Variants in FAM171A1 observed in about 807,000 individuals in gnomAD.
The protein encoded by FAM171A1 is protein FAM171A1.
In FAM171A1, 23 loss-of-function variants were observed where a neutral mutation model predicts 74.9. That is an observed-to-expected ratio of 0.31 (90% confidence interval 0.22 to 0.44). The LOEUF (loss-of-function observed/expected upper bound fraction) is 0.44. FAM171A1 is among the 20% of genes least tolerant of loss of function. The pLI is 1.00. For synonymous variants in FAM171A1, 527 were observed against 505.7 expected, an observed-to-expected ratio of 1.04 and a Z score of -0.57; for missense variants, 1,162 against 1,159.2, an observed-to-expected ratio of 1.00 and a Z score of -0.03.
At chr10:15,302,763 T>C (rs2131829141) in intron 1 of FAM171A1, among the ~76,000 whole-genome samples, 1 of 152,350 alleles carries the variant, frequency 6.6e-6, no homozygotes, top group Non-Finnish European at 1.5e-5. Context: ...TTGCCACTCA[T>C]TTAACATTCA....
chr10:15,225,596 G>A (rs1490982432), intron 5 of FAM171A1, among the ~76,000 whole-genome samples: 1 of 152,202 alleles, frequency 6.6e-6, no homozygotes, highest in Non-Finnish European at 1.5e-5. Context: ...TTCACCACCG[G>A]AGCAGCGGGC....
At chr10:15,243,229 C>T (rs1038311218) in intron 5 of FAM171A1, among the ~76,000 whole-genome samples, 8 of 152,174 alleles carry the variant, frequency 5.3e-5, no homozygotes, top group Non-Finnish European at 1.2e-4. Context: ...CCCATCCTCA[C>T]ACTGCCGTCT....
intron 1 of FAM171A1, among the ~76,000 whole-genome samples, chr10:15,348,468 A>C (rs929728968): frequency 6.6e-6 from 1 of 152,148 alleles, no homozygotes; most frequent in East Asian, 1.9e-4. Context: ...TGAGATGTTA[A>C]AAGTCTAAGG....
intron 5 of FAM171A1, among the ~76,000 whole-genome samples, chr10:15,243,098 C>T (rs1305821673): frequency 6.6e-6 from 1 of 152,028 alleles, no homozygotes; most frequent in Non-Finnish European, 1.5e-5. Flanking sequence ...GGGCCGGTTT[C>T]TCCTGGAGGC....
intron 1 of FAM171A1, among the ~76,000 whole-genome samples, chr10:15,310,199 T>A (rs1270089360): frequency 6.6e-6 from 1 of 152,132 alleles, no homozygotes; most frequent in African/African-American, 2.4e-5. Flanking sequence ...TGAGCAGGAA[T>A]TTGGTGGGTA....
intron 5 of FAM171A1, among the ~76,000 whole-genome samples, chr10:15,225,376 C>G (rs564784472): frequency 6.6e-6 from 1 of 152,282 alleles, no homozygotes; most frequent in South Asian, 2.1e-4. Context: ...CTAAAGGGAA[C>G]AGAACCAGCT....
chr10:15,354,284 T>C (rs1005270188), intron 1 of FAM171A1, among the ~76,000 whole-genome samples: 1 of 151,788 alleles, frequency 6.6e-6, no homozygotes, highest in Non-Finnish European at 1.5e-5. Flanking sequence ...TCACCTGAGG[T>C]TGGGAGTTTG....
At chr10:15,226,340 C>T (rs1834107347) in intron 5 of FAM171A1, among the ~76,000 whole-genome samples, 1 of 152,230 alleles carries the variant, frequency 6.6e-6, no homozygotes, top group South Asian at 2.1e-4. Flanking sequence ...ATCTCTCTGG[C>T]ATCATCAAGG....
intron 3 of FAM171A1, among the ~76,000 whole-genome samples, chr10:15,266,774 T>A (rs1234702007): frequency 6.7e-6 from 1 of 148,326 alleles, no homozygotes; most frequent in Non-Finnish European, 1.5e-5. Flanking sequence ...GAGGCTGAGG[T>A]GAAAGGATTG....
intron 3 of FAM171A1, among the ~76,000 whole-genome samples, chr10:15,257,394 G>T (rs1834594293): frequency 6.6e-6 from 1 of 152,162 alleles, no homozygotes; most frequent in Non-Finnish European, 1.5e-5. Context: ...GGACTGGCCT[G>T]GGACCCAGAG....
At chr10:15,220,347 G>GAAAAC (rs972295687) in intron 6 of FAM171A1, among the ~76,000 whole-genome samples, 8 of 151,996 alleles carry the variant, frequency 5.3e-5, no homozygotes, top group South Asian at 2.1e-4. Context: ...TGACCATTTT[G>GAAAAC]AAAACAAAAC....
intron 6 of FAM171A1, among the ~76,000 whole-genome samples, chr10:15,219,641 G>T (rs1387162493): frequency 6.6e-6 from 1 of 152,162 alleles, no homozygotes; most frequent in African/African-American, 2.4e-5. Context: ...GAGTGCAGTG[G>T]CACAATCTCG....
chr10:15,374,004 G>C (rs1224457814), upstream of FAM171A1, among the ~76,000 whole-genome samples: 1 of 152,208 alleles, frequency 6.6e-6, no homozygotes, highest in Admixed American at 6.5e-5. Context: ...AAGTGGAAAA[G>C]AGGGATGAGG....
chr10:15,259,827 CT>C (rs111330723), intron 3 of FAM171A1, among the ~76,000 whole-genome samples: 85 of 145,282 alleles, frequency 5.9e-4, no homozygotes, highest in Admixed American at 9.0e-4. Context: ...TGTTTCTTTC[CT>C]TTTTTTTTTT....
intron 1 of FAM171A1, among the ~76,000 whole-genome samples, chr10:15,322,252 C>G (rs1173006144): frequency 2.6e-5 from 4 of 152,200 alleles, no homozygotes; most frequent in Non-Finnish European, 4.4e-5. Context: ...CTGAATACAG[C>G]TGGAGGGGCC....
rs11259618 is a variant in FAM171A1 at position 15,350,092 on chromosome 10, G to A, written c.97+20864C>T. Among the ~76,000 whole-genome samples the A allele has an allele frequency of 9.2e-5, 14 of 152,150 alleles. 1 individual carries two copies. The highest frequency in any genetic ancestry group is 3.1e-4 in the African/African-American group (13 of 41,510). On this transcript the variant is annotated intron_variant, in intron 1 of 7. Transcript: ENST00000378116. ...CAGAATTAGAGTAACACCCCTACAC[G>A]TGATGCCCCCGTGGTATGAGACCTG...
At chr10:15,313,868 C>T (rs765367345) in intron 1 of FAM171A1, among the ~76,000 whole-genome samples, 5 of 152,176 alleles carry the variant, frequency 3.3e-5, no homozygotes, top group South Asian at 2.1e-4. Context: ...CTTCCCCAAC[C>T]GAGGGTTGAT....
At chr10:15,299,107 C>A (rs1282908537) in intron 1 of FAM171A1, among the ~76,000 whole-genome samples, 2 of 152,076 alleles carry the variant, frequency 1.3e-5, no homozygotes, top group Non-Finnish European at 2.9e-5. Flanking sequence ...TTTTAGTAGA[C>A]AGGGTTTCGC....
At chr10:15,252,544 A>G (rs1054347528) in intron 4 of FAM171A1, among the ~76,000 whole-genome samples, 4 of 152,096 alleles carry the variant, frequency 2.6e-5, no homozygotes, top group African/African-American at 9.7e-5. Flanking sequence ...CTGTGTGCAA[A>G]CTGACCCCAG....
Sources: allele counts gnomAD v4.1 joint callset (sites outside exome capture counted in the v4.1 genomes callset), GRCh38; gene constraint gnomAD v4.1.1; transcripts MANE v1.5; gene names NCBI Gene and HGNC (gene_info 2026-07-23, HGNC 2026-07-21).